The following ANAPC15 variants were observed in gnomAD, a reference collection of about 807,000 sequenced individuals.
The protein encoded by ANAPC15 is anaphase promoting complex subunit 15.
A neutral mutation model predicts 19.8 loss-of-function variants in ANAPC15; 13 were observed. That is an observed-to-expected ratio of 0.66 (90% CI 0.43 to 1.04). The LOEUF is 1.04. ANAPC15 is among the 50% of genes least tolerant of loss of function. The probability of loss-of-function intolerance (pLI) is 0.00; values close to 1 mark genes in which losing one functional copy is unlikely to be tolerated. For missense variants in ANAPC15, 88 were observed against 150.3 expected, an observed-to-expected ratio of 0.59 and a Z score of 2.17; for synonymous variants, 45 against 50.7, an observed-to-expected ratio of 0.89 and a Z score of 0.47.
chr11:72,112,558 C>A (rs1947303693), intron 1 of ANAPC15, 92 bp downstream of exon 1: 1 of 418,424 alleles, frequency 2.4e-6, no homozygotes, highest in Admixed American at 2.8e-5. Flanking sequence ...ATATGGAGCT[C>A]CTGGGGAGTC....
downstream of ANAPC15, among the ~76,000 whole-genome samples, chr11:72,108,300 G>A (rs1035774295): frequency 6.6e-6 from 1 of 152,298 alleles, no homozygotes; most frequent in Middle Eastern, 3.4e-3. Context: ...TTTTCTGCCG[G>A]ATGACGAAAG....
chr11:72,109,186 GCT>G (rs561766061), downstream of ANAPC15: 43 of 513,302 alleles, frequency 8.4e-5, no homozygotes, highest in Middle Eastern at 1.2e-3. Context: ...TCCCGACCCA[GCT>G]CTGTCACTGA....
chr11:72,108,548 C>G, downstream of ANAPC15: 1 of 1,407,200 alleles, frequency 7.1e-7, no homozygotes, highest in Non-Finnish European at 9.3e-7. Context: ...CTGGTGGGGT[C>G]TTGACTGGGA....
downstream of ANAPC15, chr11:72,107,132 T>C: frequency 2.7e-6 from 1 of 368,714 alleles, no homozygotes; most frequent in Non-Finnish European, 4.8e-6. Flanking sequence ...CCGGGTGTGG[T>C]GGTGAGTAAC....
chr11:72,111,297 G>C lies in ANAPC15; in HGVS notation c.-10-11C>G, dbSNP rs2135289217. 6.3e-7 allele frequency: 1 copy of C among 1,575,246 alleles called. No individual in the cohort carries two copies. On this transcript the variant is annotated splice_polypyrimidine_tract_variant and intron_variant, in intron 2 of 5. Transcript: ENST00000227618. ...GACATGGCTCCTAGACTGAGGGAAA[G>C]GGTCAAGTGAATGTGTTTTGCTTTG... is the stretch of plus-strand genomic sequence containing the variant.
At chr11:72,110,453 G>A in intron 4 of ANAPC15, 91 bp downstream of exon 4, 3 of 1,577,626 alleles carry the variant, frequency 1.9e-6, no homozygotes, top group African/African-American at 2.7e-5. Flanking sequence ...AACCACAACT[G>A]CTCTGGGTCA....
chr11:72,106,530 C>G (rs1945705942), downstream of ANAPC15: 1 of 227,798 alleles, frequency 4.4e-6, no homozygotes, highest in African/African-American at 2.3e-5. Flanking sequence ...TAACCCATAG[C>G]TTTGTAATTA....
At chr11:72,108,305 C>T (rs1040132482), downstream of ANAPC15, among the ~76,000 whole-genome samples, 5 of 152,184 alleles carry the variant, frequency 3.3e-5, no homozygotes, top group Admixed American at 1.3e-4. Context: ...TGCCGGATGA[C>T]GAAAGAAACA....
At chr11:72,110,431 C>A in intron 4 of ANAPC15, 113 bp downstream of exon 4, 3 of 1,546,264 alleles carry the variant, frequency 1.9e-6, no homozygotes, top group Non-Finnish European at 2.6e-6. Flanking sequence ...TAGGCTTTTA[C>A]CCAGATCTGA....
chr11:72,109,995 G>C, intron 5 of ANAPC15, 67 bp from the exon 6 acceptor site: 1 of 1,613,936 alleles, frequency 6.2e-7, no homozygotes, highest in Non-Finnish European at 8.5e-7. Flanking sequence ...TCCTGCCCCT[G>C]GCTGGATCCA....
chr11:72,109,187 C>T (rs1278202812), downstream of ANAPC15: 1 of 513,042 alleles, frequency 1.9e-6, no homozygotes, highest in Non-Finnish European at 3.6e-6. Flanking sequence ...CCCGACCCAG[C>T]TCTGTCACTG....
At position 72,111,394 on chromosome 11, in the gene ANAPC15, C is replaced by G. The variant is rs939819640; in HGVS notation, c.-11+18G>C. 1.2e-6 allele frequency: 1 copy of G among 836,548 alleles called. No homozygotes were observed. Among genetic ancestry groups the G allele is most frequent in the Admixed American group, 2.0e-5 (1 of 48,978 alleles). 51.8% of individuals were successfully genotyped at this position (836,548 alleles called of 1,614,324 possible). A position where few individuals can be genotyped will look rare whatever the true frequency, so the allele number is the denominator to read the frequency against. On this transcript the variant is annotated intron_variant, in intron 2 of 5. Transcript: ENST00000227618. ...AGACAGCAGGAAAGCAGCCCCTCCC[C>G]CTAGGAATCAGACAGACCTGGCTTT...
At chr11:72,107,754 A>G, downstream of ANAPC15, 1 of 676,278 alleles carries the variant, frequency 1.5e-6, no homozygotes, top group Non-Finnish European at 2.6e-6. Flanking sequence ...TGAAGACTAC[A>G]CTGTAGGAGA....
chr11:72,109,090 A>C, downstream of ANAPC15: 6 of 621,504 alleles, frequency 9.7e-6, no homozygotes, highest in Non-Finnish European at 1.7e-5. Flanking sequence ...CACTGACCTC[A>C]AGTGTCAAGT....
At chr11:72,107,655 G>C, downstream of ANAPC15, 1 of 620,830 alleles carries the variant, frequency 1.6e-6, no homozygotes. Flanking sequence ...GCCAGGCTGA[G>C]AATCCCAAGT....
downstream of ANAPC15, chr11:72,107,865 T>A (rs1056732099): frequency 1.9e-6 from 3 of 1,538,740 alleles, no homozygotes; most frequent in Admixed American, 5.9e-5. Context: ...AGATATCTTT[T>A]ATCAGGGGCC....
chr11:72,108,368 G>A (rs1370819086), downstream of ANAPC15, among the ~76,000 whole-genome samples: 4 of 152,202 alleles, frequency 2.6e-5, no homozygotes, highest in Non-Finnish European at 4.4e-5. Flanking sequence ...CTCTTACTCT[G>A]CCTCTTGTTA....
downstream of ANAPC15, chr11:72,108,875 C>T (rs987315987): frequency 6.5e-7 from 1 of 1,550,306 alleles, no homozygotes; most frequent in African/African-American, 1.4e-5. Flanking sequence ...TCCAGACTTC[C>T]CTGCCATCAA....
chr11:72,109,994 T>C (rs1591197597), intron 5 of ANAPC15, 66 bp from the exon 6 acceptor site: 3 of 1,613,348 alleles, frequency 1.9e-6, no homozygotes, highest in Admixed American at 3.3e-5. Flanking sequence ...ATCCTGCCCC[T>C]GGCTGGATCC....
Sources: gnomAD v4.1 joint callset for allele counts (sites outside exome capture counted in the v4.1 genomes callset) on GRCh38, gnomAD v4.1.1 for gene constraint, MANE v1.5 for transcripts, NCBI Gene and HGNC (gene_info 2026-07-23, HGNC 2026-07-21) for gene names.